The following GNAO1 variants were observed in gnomAD, a reference collection of about 807,000 sequenced individuals.
The protein encoded by GNAO1 is guanine nucleotide-binding protein G(o) subunit alpha.
For synonymous variants in GNAO1, 164 were observed against 180.7 expected, an observed-to-expected ratio of 0.91 and a Z score of 0.74; for missense variants, 166 against 478.7, an observed-to-expected ratio of 0.35 and a Z score of 6.10.
At chr16:56,213,269 CA>C in intron 2 of GNAO1, 1 of 398,304 alleles carries the variant, frequency 2.5e-6, no homozygotes, top group Admixed American at 4.4e-5. Context: ...TCCCACTCTG[CA>C]GATATCCATT....
chr16:56,342,872 G>T (rs1475820022), intron 6 of GNAO1, among the ~76,000 whole-genome samples: 8 of 152,196 alleles, frequency 5.3e-5, no homozygotes, highest in Admixed American at 5.2e-4. Context: ...CAGCACTTTG[G>T]GAGGCCGAGG....
intron 3 of GNAO1, among the ~76,000 whole-genome samples, chr16:56,291,947 A>G (rs1437125863): frequency 1.3e-5 from 2 of 152,290 alleles, no homozygotes; most frequent in African/African-American, 4.8e-5. Flanking sequence ...ACCTCTTAAT[A>G]TCATTGCCTT....
At chr16:56,227,295 T>C (rs2036540736) in intron 2 of GNAO1, among the ~76,000 whole-genome samples, 1 of 152,188 alleles carries the variant, frequency 6.6e-6, no homozygotes, top group African/African-American at 2.4e-5. Context: ...GACACTTGCT[T>C]GGCTCAGGAG....
At chr16:56,317,279 C>G (rs1376947603) in intron 3 of GNAO1, among the ~76,000 whole-genome samples, 2 of 152,182 alleles carry the variant, frequency 1.3e-5, no homozygotes, top group African/African-American at 4.8e-5. Flanking sequence ...GTCACAGACC[C>G]CTGACACAGA....
intron 4 of GNAO1, among the ~76,000 whole-genome samples, chr16:56,331,340 C>G (rs2037686293): frequency 6.6e-6 from 1 of 152,174 alleles, no homozygotes; most frequent in African/African-American, 2.4e-5. Context: ...TGCTCTGGGG[C>G]CTGGTTGGCA....
chr16:56,204,386 G>T (rs1160134610), intron 2 of GNAO1, among the ~76,000 whole-genome samples: 11 of 152,170 alleles, frequency 7.2e-5, no homozygotes, highest in African/African-American at 2.7e-4. Context: ...GTCGGGCCAT[G>T]AGAGTGGATG....
intron 2 of GNAO1, among the ~76,000 whole-genome samples, chr16:56,253,426 A>G (rs2036817552): frequency 1.3e-5 from 2 of 152,192 alleles, no homozygotes; most frequent in South Asian, 4.1e-4. Flanking sequence ...GGGAGAAGAG[A>G]ATCTTTATTC....
intron 6 of GNAO1, chr16:56,345,810 C>G (rs190618249): frequency 2.9e-4 from 281 of 985,592 alleles, no homozygotes; most frequent in Middle Eastern, 1.0e-3. Context: ...GCCAGTTGTT[C>G]CGCTTACTCT....
intron 2 of GNAO1, among the ~76,000 whole-genome samples, chr16:56,210,917 T>G (rs1290736504): frequency 2.6e-5 from 4 of 152,262 alleles, no homozygotes; most frequent in Admixed American, 2.0e-4. Flanking sequence ...ATTTTGTATC[T>G]GTTTCTGGTA....
chr16:56,314,368 T>G (rs1410245469), intron 3 of GNAO1, among the ~76,000 whole-genome samples: 13 of 152,162 alleles, frequency 8.5e-5, no homozygotes, highest in African/African-American at 3.1e-4. Context: ...CGCTCAGGCT[T>G]TTCAAGGAAA....
At chr16:56,336,964 G>A in intron 6 of GNAO1, 104 bp downstream of exon 6, 1 of 1,112,868 alleles carries the variant, frequency 9.0e-7, no homozygotes, top group Non-Finnish European at 1.3e-6. Context: ...AATGGCTCTG[G>A]GGTCCAGCCA....
At chr16:56,334,124 G>C (rs1470114374) in intron 4 of GNAO1, among the ~76,000 whole-genome samples, 1 of 152,212 alleles carries the variant, frequency 6.6e-6, no homozygotes, top group African/African-American at 2.4e-5. Flanking sequence ...CCCAGCCGCT[G>C]TATGGCTGTG....
chr16:56,293,787 G>C (rs1192236683), intron 3 of GNAO1, among the ~76,000 whole-genome samples: 2 of 152,172 alleles, frequency 1.3e-5, no homozygotes, highest in African/African-American at 2.4e-5. Flanking sequence ...CTGGGTTTGG[G>C]AACGTTGCCT....
At position 56,267,963 on chromosome 16, in the gene GNAO1, T is replaced by C. The variant is rs115617650; in HGVS notation, c.162-7968T>C. Among the ~76,000 whole-genome samples, 1,486 of 150,848 alleles carry C rather than the reference T, an allele frequency of 9.9e-3. 26 individuals are homozygous for C. Among genetic ancestry groups the C allele is most frequent in the African/African-American group, 0.034 (1,404 of 41,142 alleles). ...TTTAAGACAGAAGGTAAAAACATCT[T>C]TCCATTTTGCATTTGATTAGATGTT... is the stretch of plus-strand genomic sequence containing the variant. On this transcript the variant is annotated intron_variant, in intron 2 of 8. Coordinates refer to ENST00000262493, the MANE Select transcript of GNAO1 (RefSeq NM_020988.3).
rs3790116 is a variant in GNAO1, at chr16:56,354,132, C to T, written c.878-734C>T. 0.14 allele frequency among the ~76,000 whole-genome samples: 21,932 copies of T among 152,212 alleles called. 1,663 individuals are homozygous for T. Among genetic ancestry groups the T allele is most frequent in the Admixed American group, 0.17 (2,648 of 15,296 alleles). ...TGCCCACCACCCTCTTGGGCAGGCC[C>T]CTCTCCAGACTTTGTTTTCATGGTT... is the stretch of plus-strand genomic sequence containing the variant. On this transcript the variant is annotated intron_variant, in intron 7 of 8. Coordinates refer to ENST00000262493, the MANE Select transcript of GNAO1 (RefSeq NM_020988.3). This position sits in a 1 kb window ranked among gnomAD's most constrained non-coding sequence, Gnocchi z 4.3.
At chr16:56,299,667 T>C (rs1277723326) in intron 3 of GNAO1, among the ~76,000 whole-genome samples, 2 of 152,198 alleles carry the variant, frequency 1.3e-5, no homozygotes, top group Non-Finnish European at 2.9e-5. Context: ...AACCTCAGAG[T>C]TGGAAACACA....
intron 2 of GNAO1, among the ~76,000 whole-genome samples, chr16:56,247,482 G>GT (rs61650674): frequency 0.044 from 5,318 of 119,532 alleles, 162 homozygotes; most frequent in Non-Finnish European, 0.063. Flanking sequence ...TTAGGGTGAG[G>GT]TTTTTTTTTT....
intron 6 of GNAO1, among the ~76,000 whole-genome samples, chr16:56,348,988 T>C (rs1297796273): frequency 6.6e-6 from 1 of 152,166 alleles, no homozygotes; most frequent in Non-Finnish European, 1.5e-5. Context: ...GAGCCTGATG[T>C]GGTCATTCTT....
chr16:56,201,644 T>G (rs1308790587), intron 2 of GNAO1, among the ~76,000 whole-genome samples: 1 of 152,022 alleles, frequency 6.6e-6, no homozygotes, highest in Non-Finnish European at 1.5e-5. Flanking sequence ...GTAGTGTGGG[T>G]GGGGAAAGGA....
Sources: gnomAD v4.1 joint callset for allele counts (sites outside exome capture counted in the v4.1 genomes callset) on GRCh38, gnomAD v4.1.1 for gene constraint, Gnocchi (gnomAD v3.1) non-coding constraint, MANE v1.5 for transcripts, NCBI Gene and HGNC (gene_info 2026-07-23, HGNC 2026-07-21) for gene names.